TOX: variants seen among roughly 807,000 people sequenced by gnomAD.
TOX encodes thymocyte selection-associated high mobility group box protein TOX.
A neutral mutation model predicts 53.7 loss-of-function variants in TOX; 11 were observed. The observed-to-expected ratio is 0.20, with a 90% CI of 0.13 to 0.34. TOX has a LOEUF of 0.34. Ranked by LOEUF, TOX falls within the 10% of genes least tolerant of loss-of-function variation. The pLI is 1.00. For missense variants in TOX, 570 were observed against 664.6 expected, an observed-to-expected ratio of 0.86 and a Z score of 1.56; for synonymous variants, 225 against 245.3, an observed-to-expected ratio of 0.92 and a Z score of 0.77.
chr8:58,993,446 G>A (rs1813493820), intron 1 of TOX, among the ~76,000 whole-genome samples: 1 of 152,122 alleles, frequency 6.6e-6, no homozygotes, highest in Non-Finnish European at 1.5e-5. Context: ...AGCACAGGCC[G>A]TTCCAAAGCC....
At chr8:58,959,136 CCT>C (rs561012345) in intron 2 of TOX, among the ~76,000 whole-genome samples, 24 of 152,228 alleles carry the variant, frequency 1.6e-4, no homozygotes, top group African/African-American at 5.8e-4. Context: ...ACAAAATGCC[CCT>C]GTGAACTGTT....
At chr8:59,095,441 C>G (rs1563445007) in intron 1 of TOX, among the ~76,000 whole-genome samples, 1 of 152,196 alleles carries the variant, frequency 6.6e-6, no homozygotes, top group South Asian at 2.1e-4. Context: ...AAGTCTCGCT[C>G]TGTCGCCCAG....
At chr8:58,943,193 C>T (rs748966647) in intron 2 of TOX, among the ~76,000 whole-genome samples, 1 of 152,210 alleles carries the variant, frequency 6.6e-6, no homozygotes, top group African/African-American at 2.4e-5. Context: ...TTGTGGCCCT[C>T]TGGCTCTCAG....
chr8:58,913,948 A>G (rs1380215558), intron 3 of TOX, among the ~76,000 whole-genome samples: 1 of 152,236 alleles, frequency 6.6e-6, no homozygotes, highest in Admixed American at 6.5e-5. Flanking sequence ...GTGACAAGAA[A>G]TGGAGAGCAC....
At chr8:58,981,399 T>C (rs188279992) in intron 1 of TOX, among the ~76,000 whole-genome samples, 1 of 152,278 alleles carries the variant, frequency 6.6e-6, no homozygotes, top group African/African-American at 2.4e-5. Context: ...TCTTTGATGG[T>C]TTTCTTTTTT....
intron 1 of TOX, among the ~76,000 whole-genome samples, chr8:59,029,669 T>G (rs758006972): frequency 1.2e-4 from 19 of 152,144 alleles, no homozygotes; most frequent in Non-Finnish European, 2.2e-4. Flanking sequence ...AATTTTCTGT[T>G]AGTACCTTTG....
intron 3 of TOX, among the ~76,000 whole-genome samples, chr8:58,931,338 AAAAGAGCT>A: frequency 6.6e-6 from 1 of 152,178 alleles, no homozygotes. Context: ...GTCAAAAAAA[AAAAGAGCT>A]AATTTGATTT....
rs1554539851 is a variant in TOX at position 59,021,499 on chromosome 8, T to TATATATATATATATATATATATACAC, written c.103-61492_103-61491insGTGTATATATATATATATATATATAT. 2.1e-3 allele frequency among the ~76,000 whole-genome samples: 229 copies of TATATATATATATATATATATATACAC among 109,136 alleles called. 6 individuals carry two copies. The highest frequency in any genetic ancestry group is 2.9e-3 in the African/African-American group (95 of 32,328). The allele number at this position is 109,136 out of a possible 152,430, so 71.6% of individuals were successfully genotyped here. The stretch of plus-strand genomic sequence containing the variant: ...AAAAAAAAATATATATATATATATA[T>TATATATATATATATATATATATACAC]GCACATATATACAATGTCAGATATA... On this transcript the variant is annotated intron_variant, in intron 1 of 8. Transcript: ENST00000361421.
chr8:59,079,601 G>A (rs1480206944), intron 1 of TOX, among the ~76,000 whole-genome samples: 1 of 152,226 alleles, frequency 6.6e-6, no homozygotes, highest in Non-Finnish European at 1.5e-5. Flanking sequence ...AAGAGTGAAT[G>A]AGGCTTGGTA....
chr8:59,070,159 A>G (rs1468624705), intron 1 of TOX, among the ~76,000 whole-genome samples: 1 of 152,228 alleles, frequency 6.6e-6, no homozygotes, highest in Non-Finnish European at 1.5e-5. Context: ...ACTTCAAAAT[A>G]AACTTACAAG....
chr8:58,988,935 T>G (rs1463320794), intron 1 of TOX, among the ~76,000 whole-genome samples: 2 of 152,208 alleles, frequency 1.3e-5, no homozygotes, highest in African/African-American at 4.8e-5. Flanking sequence ...ATTTATTCCC[T>G]TGCTTGCTCA....
At chr8:58,910,756 GA>G (rs994139082) in intron 3 of TOX, among the ~76,000 whole-genome samples, 11 of 152,152 alleles carry the variant, frequency 7.2e-5, no homozygotes, top group African/African-American at 2.7e-4. Flanking sequence ...TAGGCGCAAA[GA>G]AATAAGTCAT....
intron 3 of TOX, among the ~76,000 whole-genome samples, chr8:58,902,821 G>T (rs1811753004): frequency 6.6e-6 from 1 of 152,096 alleles, no homozygotes; most frequent in African/African-American, 2.4e-5. Flanking sequence ...TCCTTTGTGA[G>T]CGTTTGAAAA....
intron 1 of TOX, among the ~76,000 whole-genome samples, chr8:58,961,589 G>A (rs1164262065): frequency 2.0e-5 from 3 of 151,190 alleles, no homozygotes; most frequent in Admixed American, 1.3e-4. Context: ...GTGAAATGGC[G>A]CGATCGCAGC....
Position 59,051,483 on chromosome 8 carries a change from TTC to T in TOX, c.102+67401_102+67402del, listed in dbSNP as rs1315634115. ...ATTGCGCCAGAAATCTTTACAGTAA[TTC>T]TGATAAAGTCATTACATCATTCTTT... is the stretch of plus-strand genomic sequence containing the variant. On this transcript the variant is annotated intron_variant, in intron 1 of 8. Coordinates refer to ENST00000361421, the MANE Select transcript of TOX (RefSeq NM_014729.3). Among the ~76,000 whole-genome samples, 4 of 152,224 alleles carry T rather than the reference TTC, an allele frequency of 2.6e-5. No individual in the cohort carries two copies. The East Asian group carries it at 7.7e-4, about 29-fold the overall frequency.
At chr8:59,060,947 G>A (rs1803974096) in intron 1 of TOX, among the ~76,000 whole-genome samples, 1 of 152,060 alleles carries the variant, frequency 6.6e-6, no homozygotes, top group South Asian at 2.1e-4. Flanking sequence ...CTACTATTGG[G>A]GGAAAACCTA....
In TOX at chr8:58,808,254, G is replaced by A. The variant is rs1478173294; in HGVS notation, c.1408C>T (p.Pro470Ser). The change falls in exon 8 of 9, where the codon CCC (proline) becomes TCC (serine). Residue 470 changes from proline to serine, a missense_variant. Physicochemically the swap from Pro to Ser is moderately conservative, Grantham distance 74. Transcript: ENST00000361421. The part of the protein sequence containing the change: ...PTMQQGFTLQ[P>S]DYQTIINPTS... ...GGATTGATAATAGTCTGATAGTCGG[G>A]TTGAAGAGTAAATCCCTGAAAGGGA... 4 of 1,610,398 alleles carry A rather than the reference G, an allele frequency of 2.5e-6. No individual in the cohort carries two copies. The highest frequency in any genetic ancestry group is 3.4e-6 in the Non-Finnish European group (4 of 1,178,898).
chr8:58,810,451 C>T (rs1208662528), intron 7 of TOX, among the ~76,000 whole-genome samples: 1 of 152,188 alleles, frequency 6.6e-6, no homozygotes, highest in Non-Finnish European at 1.5e-5. Context: ...AGCGATCCTT[C>T]CACCTCAACC....
chr8:58,868,957 A>G (rs946112680), intron 3 of TOX, among the ~76,000 whole-genome samples: 2 of 152,064 alleles, frequency 1.3e-5, no homozygotes, highest in African/African-American at 4.8e-5. Context: ...ACAAAAAAGA[A>G]GACACAAATT....
Sources: allele counts gnomAD v4.1 joint callset (sites outside exome capture counted in the v4.1 genomes callset), GRCh38; gene constraint gnomAD v4.1.1; transcripts MANE v1.5; gene names NCBI Gene and HGNC (gene_info 2026-07-23, HGNC 2026-07-21).